COPB2: variants seen among roughly 807,000 people sequenced by gnomAD.
The protein encoded by COPB2 is coatomer subunit beta'.
In COPB2, 16 loss-of-function variants were observed where a neutral mutation model predicts 120.8. The ratio of observed to expected loss-of-function variants is 0.13; its 90% CI spans 0.09 to 0.20. The LOEUF (loss-of-function observed/expected upper bound fraction) is 0.20, where lower values mean the gene tolerates loss of function less well. Ranked by LOEUF, COPB2 falls within the 10% of genes least tolerant of loss-of-function variation. COPB2 has a pLI of 1.00. For missense variants in COPB2, 794 were observed against 1,076.5 expected, an observed-to-expected ratio of 0.74 and a Z score of 3.67; for synonymous variants, 332 against 366.3, an observed-to-expected ratio of 0.91 and a Z score of 1.07.
chr3:139,377,442 G>C (rs982821438), intron 5 of COPB2, among the ~76,000 whole-genome samples: 1 of 152,250 alleles, frequency 6.6e-6, no homozygotes, highest in Non-Finnish European at 1.5e-5. Context: ...CAGGAAGATG[G>C]AACAGTTCAA....
At chr3:139,385,913 A>AT (rs1019142181) in intron 1 of COPB2, among the ~76,000 whole-genome samples, 1 of 152,192 alleles carries the variant, frequency 6.6e-6, no homozygotes, top group Non-Finnish European at 1.5e-5. Context: ...CTAAAAGCTC[A>AT]TTTGGCAAGT....
chr3:139,366,656 A>C lies in COPB2; in HGVS notation c.1796T>G (p.Met599Arg), dbSNP rs572382622. The change falls in exon 15 of 22, where the codon ATG becomes AGG. Residue 599 changes from methionine to arginine, a missense_variant. Around this residue, in one of 3 missense-constraint regions of COPB2, gnomAD observed 610 missense variants for 866.7 expected, o/e 0.70. Coordinates refer to ENST00000333188, the MANE Select transcript of COPB2 (RefSeq NM_004766.3). The part of the protein sequence containing the change: ...VSVLEYQTAV[M>R]RRDFSMADKV... Reference sequence around the variant, plus strand: ...ATCAGCCATGCTAAAGTCCCTCCGCATGACAGCTGTCTGGTATTCCAGGAC... The same window carrying C: ...ATCAGCCATGCTAAAGTCCCTCCGCCTGACAGCTGTCTGGTATTCCAGGAC... The C allele has an allele frequency of 6.2e-7, 1 of 1,614,132 alleles. No individual in the cohort carries two copies. The highest frequency in any genetic ancestry group is 1.7e-5 in the Admixed American group (1 of 60,010).
At chr3:139,373,115 GATTAGA>G in intron 9 of COPB2, 92 bp downstream of exon 9, 3 of 1,194,348 alleles carry the variant, frequency 2.5e-6, no homozygotes, top group Non-Finnish European at 3.7e-6. Flanking sequence ...ATTGAGGAAT[GATTAGA>G]GATGCCAACC....
chr3:139,372,817 A>G (rs1245653762), intron 9 of COPB2, among the ~76,000 whole-genome samples: 3 of 152,242 alleles, frequency 2.0e-5, no homozygotes, highest in Admixed American at 6.5e-5. Flanking sequence ...CAAAAGACAC[A>G]TATCTCAGAG....
intron 13 of COPB2, among the ~76,000 whole-genome samples, chr3:139,367,449 G>A (rs954390044): frequency 6.6e-6 from 1 of 151,886 alleles, no homozygotes; most frequent in Non-Finnish European, 1.5e-5. Context: ...CACCATGCCT[G>A]GCTAATTCTT....
At position 139,377,404 on chromosome 3, in the gene COPB2, T is replaced by C. The variant is rs1174385463; in HGVS notation, c.504+637A>G. 2.0e-5 allele frequency among the ~76,000 whole-genome samples: 3 copies of C among 152,190 alleles called. No homozygotes were observed. The East Asian group carries it at 5.8e-4, about 29-fold the overall frequency. On this transcript the variant is annotated intron_variant, in intron 5 of 21. Coordinates refer to ENST00000333188, the MANE Select transcript of COPB2 (RefSeq NM_004766.3). ...CTGAGTAATTCTCCGGAGGAAAATA[T>C]ATCAAAATAGGAAAATAAAGAGAAG...
intron 2 of COPB2, 165 bp downstream of exon 2, chr3:139,383,133 T>G: frequency 1.3e-6 from 1 of 760,010 alleles, no homozygotes; most frequent in Non-Finnish European, 2.2e-6. Context: ...CTACAAACTA[T>G]CCCCTCATAA....
intron 1 of COPB2, 153 bp downstream of exon 1, chr3:139,389,395 T>G: frequency 2.6e-6 from 3 of 1,144,466 alleles, no homozygotes; most frequent in Non-Finnish European, 3.3e-6. Flanking sequence ...CCTTCTCCCT[T>G]CCTGGAATCA....
intron 10 of COPB2, 58 bp from the exon 11 acceptor site, chr3:139,369,602 C>A: frequency 1.9e-6 from 2 of 1,031,516 alleles, no homozygotes; most frequent in Non-Finnish European, 2.9e-6. Flanking sequence ...ATAGTTCTAC[C>A]AAATGTTGGA....
chr3:139,373,606 T>C (rs1941662320), intron 8 of COPB2, 60 bp downstream of exon 8: 16 of 1,608,770 alleles, frequency 9.9e-6, no homozygotes, highest in South Asian at 4.4e-5. Context: ...ATGACAGTAC[T>C]AAAATACAAA....
intron 6 of COPB2, among the ~76,000 whole-genome samples, chr3:139,374,986 GA>G (rs774524594): frequency 7.9e-5 from 12 of 152,098 alleles, no homozygotes; most frequent in Admixed American, 3.9e-4. Context: ...ATGTTTCAAG[GA>G]AAAACTGACT....
intron 17 of COPB2, among the ~76,000 whole-genome samples, chr3:139,359,851 G>A (rs1026969637): frequency 6.6e-6 from 1 of 151,858 alleles, no homozygotes; most frequent in Non-Finnish European, 1.5e-5. Flanking sequence ...CAGAATTCAG[G>A]ATTTTTTGGA....
chr3:139,384,196 A>G (rs1010987572), intron 1 of COPB2, among the ~76,000 whole-genome samples: 12 of 152,246 alleles, frequency 7.9e-5, no homozygotes, highest in African/African-American at 2.9e-4. Flanking sequence ...CCATTGGTTA[A>G]GTCCATACTT....
Position 139,381,044 on chromosome 3 carries a change from C to A in COPB2, c.142-1578G>T, listed in dbSNP as rs1383033057. 2.0e-5 allele frequency: 3 copies of A among 152,194 alleles called. No individual in the cohort carries two copies. The East Asian group carries it at 5.8e-4, about 29-fold the overall frequency. 9.4% of individuals were successfully genotyped at this position (152,194 alleles called of 1,614,324 possible). ...CTCAACGTAGATTAGGAAAGTATAA[C>A]TAATGACTAATACTTATATGGTACT... On this transcript the variant is annotated intron_variant, in intron 2 of 21. Transcript: ENST00000333188.
intron 2 of COPB2, 164 bp downstream of exon 2, chr3:139,383,134 C>A (rs1050144493): frequency 1.3e-6 from 1 of 761,902 alleles, no homozygotes. Context: ...TACAAACTAT[C>A]CCCTCATAAA....
chr3:139,367,483 T>C (rs1941539989), intron 13 of COPB2, among the ~76,000 whole-genome samples: 1 of 152,062 alleles, frequency 6.6e-6, no homozygotes, highest in Non-Finnish European at 1.5e-5. Flanking sequence ...AGACAGGGTT[T>C]CACCATGCTG....
At position 139,375,634 on chromosome 3, in the gene COPB2, C is replaced by A. The variant is rs368799589; in HGVS notation, c.505-20G>T. On this transcript the variant is annotated intron_variant, in intron 5 of 21. Coordinates refer to ENST00000333188, the MANE Select transcript of COPB2 (RefSeq NM_004766.3). ...CCACACCTGCAGAGAGAAACAGCAT[C>A]GGCCAGTCAATATGGGGCCTTGCTT... 1.1e-5 allele frequency: 17 copies of A among 1,611,674 alleles called. No homozygotes were observed. The highest frequency in any genetic ancestry group is 1.3e-5 in the African/African-American group (1 of 74,988).
chr3:139,373,549 T>A, intron 8 of COPB2, 117 bp downstream of exon 8: 2 of 1,514,116 alleles, frequency 1.3e-6, no homozygotes, highest in Admixed American at 1.8e-5. Flanking sequence ...TAATGTCTAG[T>A]GCTTAATGAA....
chr3:139,368,321 T>A (rs1941558662), intron 12 of COPB2, 33 bp from the exon 13 acceptor site: 1 of 1,592,762 alleles, frequency 6.3e-7, no homozygotes, highest in East Asian at 2.3e-5. Context: ...ACAACTGATT[T>A]GGATTTCTGA....
Sources: allele counts gnomAD v4.1 joint callset (sites outside exome capture counted in the v4.1 genomes callset), GRCh38; gene constraint gnomAD v4.1.1; regional missense constraint gnomAD v4.1.1; transcripts MANE v1.5; gene names NCBI Gene and HGNC (gene_info 2026-07-23, HGNC 2026-07-21).